The following MEOX1 variants were observed in gnomAD, a reference collection of about 807,000 sequenced individuals.
The protein encoded by MEOX1 is mesenchyme homeobox 1, also known as homeobox protein MOX-1.
Under a neutral mutation model 23.2 loss-of-function variants are expected in MEOX1, and 17 were observed. That is an observed-to-expected ratio of 0.73 (90% CI 0.50 to 1.10). The LOEUF (loss-of-function observed/expected upper bound fraction) is 1.10. Among genes scored for constraint, MEOX1 ranks in the 50% least tolerant of loss-of-function variants. The pLI is 0.00. For synonymous variants in MEOX1, 134 were observed against 135.1 expected (o/e 0.99, Z 0.06); for missense variants, 333 against 332.2 (o/e 1.00, Z -0.02).
chr17:43,649,527 G>A (rs566470019), intron 1 of MEOX1, among the ~76,000 whole-genome samples: 4 of 152,016 alleles, frequency 2.6e-5, no homozygotes, highest in African/African-American at 4.8e-5. Context: ...GGCTCGTCTC[G>A]AACTCCTGAC....
At chr17:43,659,320 C>G (rs1973098163) in intron 1 of MEOX1, among the ~76,000 whole-genome samples, 1 of 152,164 alleles carries the variant, frequency 6.6e-6, no homozygotes, top group Non-Finnish European at 1.5e-5. Flanking sequence ...ACATTTCCTA[C>G]CAGGGGCAGG....
chr17:43,660,284 C>T (rs1302795843), intron 1 of MEOX1, among the ~76,000 whole-genome samples: 1 of 152,158 alleles, frequency 6.6e-6, no homozygotes, highest in Non-Finnish European at 1.5e-5. Context: ...AGGCCAATCT[C>T]ATCCTCCAGC....
At chr17:43,649,406 A>G (rs1339211117) in intron 1 of MEOX1, among the ~76,000 whole-genome samples, 2 of 148,258 alleles carry the variant, frequency 1.3e-5, no homozygotes, top group Admixed American at 6.9e-5. Context: ...TCCTGGGTTC[A>G]AGCGATTCTC....
intron 1 of MEOX1, among the ~76,000 whole-genome samples, chr17:43,654,468 A>G (rs1295315610): frequency 6.6e-6 from 1 of 152,086 alleles, no homozygotes; most frequent in Non-Finnish European, 1.5e-5. Context: ...TGATCACGCC[A>G]TTGTGCTCTA....
chr17:43,645,062 G>T (rs1338164988), intron 1 of MEOX1, among the ~76,000 whole-genome samples: 1 of 152,022 alleles, frequency 6.6e-6, no homozygotes, highest in East Asian at 1.9e-4. Context: ...GAGGTGGGAA[G>T]AAGACCACAC....
At position 43,661,070 on chromosome 17, in the gene MEOX1, A is replaced by G; in HGVS notation, c.465T>C (p.Ser155=). 8.0e-6 allele frequency: 12 copies of G among 1,495,738 alleles called. No individual in the cohort carries two copies. Among genetic ancestry groups the G allele is most frequent in the Non-Finnish European group, 1.1e-5 (12 of 1,122,136 alleles). The allele number at this position is 1,495,738 out of a possible 1,614,324, so 92.7% of individuals were successfully genotyped here. A position where few individuals can be genotyped will look rare whatever the true frequency, so the allele number is the denominator to read the frequency against. ...AGCTGCTCCTGAGCCACCTACCTGAACTCTCCTTTCTCCGCCTGGATGATT... is the reference window on the plus strand; with the variant it reads ...AGCTGCTCCTGAGCCACCTACCTGAGCTCTCCTTTCTCCGCCTGGATGATT... ...EKKSSRRRKE[S]SDNQENRGKP... is the part of the protein sequence containing the mutation. Residue 155 remains serine, a synonymous_variant, in exon 1 of 3, where the codon AGT becomes AGC. Coordinates refer to ENST00000318579, the MANE Select transcript of MEOX1 (RefSeq NM_004527.4).
Position 43,640,448 on chromosome 17 carries a change from A to C in MEOX1, c.*1462T>G, listed in dbSNP as rs1246593888. On this transcript the variant is annotated 3_prime_UTR_variant, in exon 3 of 3. Coordinates refer to ENST00000318579, the MANE Select transcript of MEOX1 (RefSeq NM_004527.4). ...TTCTTACAAAGTGAATTGAGCTCGC[A>C]CAATTAGCTTGATGTAATCTTAAGA... 6.6e-6 allele frequency: 1 copy of C among 152,238 alleles called. No individual in the cohort carries two copies. The highest frequency in any genetic ancestry group is 1.5e-5 in the Non-Finnish European group (1 of 68,040). 9.4% of individuals were successfully genotyped at this position (152,238 alleles called of 1,614,324 possible). A position where few individuals can be genotyped will look rare whatever the true frequency, so the allele number is the denominator to read the frequency against.
At chr17:43,647,298 C>A (rs537088424) in intron 1 of MEOX1, among the ~76,000 whole-genome samples, 2 of 152,280 alleles carry the variant, frequency 1.3e-5, no homozygotes, top group Non-Finnish European at 1.5e-5. Flanking sequence ...TGACCCCTAC[C>A]GCGCCCCCAA....
rs561799900 is a variant in MEOX1, at chr17:43,649,360, G to A, written c.470-5700C>T. 3.0e-5 allele frequency among the ~76,000 whole-genome samples: 4 copies of A among 132,670 alleles called. No homozygotes were observed. The South Asian group carries it at 7.4e-4, about 24-fold the overall frequency. The allele number at this position is 132,670 out of a possible 152,430, so 87.0% of individuals were successfully genotyped here. ...TCACCCAGGCTGGAGATTGGTCACT[G>A]CAATGGCGGGATCTCGGCTCACCGC... is the stretch of plus-strand genomic sequence containing the variant. On this transcript the variant is annotated intron_variant, in intron 1 of 2. Coordinates refer to ENST00000318579, the MANE Select transcript of MEOX1 (RefSeq NM_004527.4).
At chr17:43,653,271 C>T (rs188708882) in intron 1 of MEOX1, among the ~76,000 whole-genome samples, 4 of 151,978 alleles carry the variant, frequency 2.6e-5, no homozygotes, top group Admixed American at 2.6e-4. Context: ...TCCTGATTAG[C>T]TGGGACTACA....
Position 43,641,718 on chromosome 17 carries a change from T to TA in MEOX1, c.*191dup. 2 of 574,476 alleles carry TA rather than the reference T, an allele frequency of 3.5e-6. No homozygotes were observed. 35.6% of individuals were successfully genotyped at this position (574,476 alleles called of 1,614,324 possible). ...GCAAAGGCCCTAGGGAAGAGGCTGCTAAGAGGCTGGACAGAACTTCCTAGA... is the reference window on the plus strand; with the variant it reads ...GCAAAGGCCCTAGGGAAGAGGCTGCTAAAGAGGCTGGACAGAACTTCCTAGA... On this transcript the variant is annotated 3_prime_UTR_variant, in exon 3 of 3. Coordinates refer to ENST00000318579, the MANE Select transcript of MEOX1 (RefSeq NM_004527.4).
At position 43,661,372 on chromosome 17, in the gene MEOX1, C is replaced by T. The variant is rs140757948; in HGVS notation, c.163G>A (p.Ala55Thr). The change falls in exon 1 of 3, where the codon GCG (alanine) becomes ACG (threonine). Residue 55 changes from alanine (A) to threonine (T), a missense_variant. Ala to Thr is a moderately conservative substitution (Grantham distance 58). Coordinates refer to ENST00000318579, the MANE Select transcript of MEOX1 (RefSeq NM_004527.4). ...GAGAAGTCAGGGTACGCTGCCGTCG[C>T]TGTCGCCAGGAAGTCTGGTTTCTGG... ...FHQKPDFLAT[A>T]TAAYPDFSAS... The T allele has an allele frequency of 1.2e-4, 196 of 1,580,708 alleles. No individual in the cohort carries two copies. Among genetic ancestry groups the T allele is most frequent in the Non-Finnish European group, 1.2e-4 (135 of 1,161,516 alleles).
chr17:43,647,578 TGG>T (rs1972834225), intron 1 of MEOX1, among the ~76,000 whole-genome samples: 1 of 152,174 alleles, frequency 6.6e-6, no homozygotes, highest in Non-Finnish European at 1.5e-5. Flanking sequence ...CCAGAGGTCC[TGG>T]GGTCACCACC....
chr17:43,660,901 C>T (rs1973125430), intron 1 of MEOX1, among the ~76,000 whole-genome samples, 165 bp downstream of exon 1: 1 of 152,152 alleles, frequency 6.6e-6, no homozygotes, highest in African/African-American at 2.4e-5. Flanking sequence ...CCAGAGAATC[C>T]TAGAACTCTC....
chr17:43,650,614 C>G (rs1351602794), intron 1 of MEOX1, among the ~76,000 whole-genome samples: 3 of 152,106 alleles, frequency 2.0e-5, no homozygotes, highest in African/African-American at 7.2e-5. Context: ...CTGGGACTCC[C>G]CAGAGAGGGA....
chr17:43,661,221 G>T lies in MEOX1; in HGVS notation c.314C>A (p.Pro105His), dbSNP rs1296889615. The stretch of plus-strand genomic sequence containing the variant: ...GGAACCCCCTGCCGGGCCTGAGTTG[G>T]GCCTGCGCCGGGCGTCTGAGACAGG... ...HFPVSDARRR[P>H]NSGPAGGSKE... Residue 105 changes from proline to histidine, a missense_variant, in exon 1 of 3, where the codon CCC (proline) becomes CAC (histidine). Coordinates refer to ENST00000318579, the MANE Select transcript of MEOX1 (RefSeq NM_004527.4). 2 of 1,609,256 alleles carry T rather than the reference G, an allele frequency of 1.2e-6. No individual in the cohort carries two copies. Among genetic ancestry groups the T allele is most frequent in the Non-Finnish European group, 1.7e-6 (2 of 1,177,454 alleles).
chr17:43,661,245 G>A lies in MEOX1; in HGVS notation c.290C>T (p.Pro97Leu). ...GGGCCTGCGCCGGGCGTCTGAGACAGGGAAGTGCCAGTTGGGGGACTGTGG... is the reference window on the plus strand; with the variant it reads ...GGGCCTGCGCCGGGCGTCTGAGACAAGGAAGTGCCAGTTGGGGGACTGTGG... Reference protein sequence around the residue: ...AFPQSPNWHFPVSDARRRPNS... With the variant: ...AFPQSPNWHFLVSDARRRPNS... The change falls in exon 1 of 3, where the codon CCT (proline) becomes CTT (leucine). Residue 97 changes from proline (P) to leucine (L), a missense_variant. Physicochemically the swap from Pro to Leu is moderately conservative, Grantham distance 98. Transcript: ENST00000318579. 1 of 1,609,988 alleles carries A rather than the reference G, an allele frequency of 6.2e-7. No individual in the cohort carries two copies. The highest frequency in any genetic ancestry group is 1.1e-5 in the South Asian group (1 of 90,292).
chr17:43,661,503 C>T lies in MEOX1; in HGVS notation c.32G>A (p.Ser11Asn). Residue 11 changes from serine (S) to asparagine (N), a missense_variant, in exon 1 of 3, where the codon AGC becomes AAC. Coordinates refer to ENST00000318579, the MANE Select transcript of MEOX1 (RefSeq NM_004527.4). The stretch of plus-strand genomic sequence containing the variant: ...CCAGACAGGGGCTGGGGGCTGGAGG[C>T]TCCTCATGCAGCTGCTGGCCGCGGG... Reference protein sequence around the residue: MDPAASSCMRSLQPPAPVWGC... With the variant: MDPAASSCMRNLQPPAPVWGC... 2.5e-6 allele frequency: 4 copies of T among 1,587,620 alleles called. No homozygotes were observed. Among genetic ancestry groups the T allele is most frequent in the East Asian group, 2.3e-5 (1 of 44,178 alleles).
chr17:43,652,166 C>A (rs956224725), intron 1 of MEOX1, among the ~76,000 whole-genome samples: 1 of 152,112 alleles, frequency 6.6e-6, no homozygotes, highest in African/African-American at 2.4e-5. Context: ...CCACGCTGGC[C>A]ACTCTGGACC....
Sources: gnomAD v4.1 joint callset for allele counts (sites outside exome capture counted in the v4.1 genomes callset) on GRCh38, gnomAD v4.1.1 for gene constraint, MANE v1.5 for transcripts, NCBI Gene and HGNC (gene_info 2026-07-23, HGNC 2026-07-21) for gene names.